The following CNTNAP2 variants were observed in gnomAD, a reference collection of about 807,000 sequenced individuals.
CNTNAP2 encodes contactin-associated protein-like 2.
A neutral mutation model predicts 155.2 loss-of-function variants in CNTNAP2; 98 were observed. The ratio of observed to expected loss-of-function variants is 0.63; its 90% CI spans 0.54 to 0.75. The LOEUF (loss-of-function observed/expected upper bound fraction) is 0.75. Ranked by LOEUF, CNTNAP2 falls within the 30% of genes least tolerant of loss-of-function variation. CNTNAP2 has a pLI of 0.00. For missense variants in CNTNAP2, 1,727 were observed against 1,688.1 expected (o/e 1.02, Z -0.40); for synonymous variants, 651 against 631.2 (o/e 1.03, Z -0.47).
intron 3 of CNTNAP2, among the ~76,000 whole-genome samples, chr7:146,983,672 G>A (rs148350650): frequency 5.3e-4 from 81 of 152,222 alleles, no homozygotes; most frequent in African/African-American, 1.9e-3. Context: ...TCCATTTGGC[G>A]AGTTGAAAAA....
intron 15 of CNTNAP2, among the ~76,000 whole-genome samples, chr7:148,057,533 T>C (rs1803044518): frequency 6.6e-6 from 1 of 152,142 alleles, no homozygotes; most frequent in African/African-American, 2.4e-5. Flanking sequence ...GAGTGTGAGG[T>C]GATCTTCAAG....
In CNTNAP2 at chr7:146,550,415, T is replaced by TGTTTG. The variant is rs1554447439; in HGVS notation, c.98-223856_98-223855insGTTTG. Among the ~76,000 whole-genome samples the TGTTTG allele has an allele frequency of 2.6e-3, 297 of 115,816 alleles. 5 individuals are homozygous for TGTTTG. Among genetic ancestry groups the TGTTTG allele is most frequent in the Middle Eastern group, 4.6e-3 (1 of 218 alleles). The allele number at this position is 115,816 out of a possible 152,430, so 76.0% of individuals were successfully genotyped here. Reference sequence around the variant, plus strand: ...TCCATTAATCTGTTTTTTTTTTTTTTTTTTTTTTTTTTTTATAAAGTACCC... The same window carrying TGTTTG: ...TCCATTAATCTGTTTTTTTTTTTTTTGTTTGTTTTTTTTTTTTTTATAAAGTACCC... On this transcript the variant is annotated intron_variant, in intron 1 of 23. Coordinates refer to ENST00000361727, the MANE Select transcript of CNTNAP2 (RefSeq NM_014141.6).
chr7:147,485,185 A>G (rs1184728425), intron 10 of CNTNAP2, among the ~76,000 whole-genome samples: 1 of 152,200 alleles, frequency 6.6e-6, no homozygotes, highest in African/African-American at 2.4e-5. Context: ...TTTCCTGCCT[A>G]TTAGTTGTCT....
At chr7:147,466,657 C>T (rs1409418920) in intron 10 of CNTNAP2, among the ~76,000 whole-genome samples, 1 of 152,204 alleles carries the variant, frequency 6.6e-6, no homozygotes, top group Non-Finnish European at 1.5e-5. Flanking sequence ...TGGCTCATTC[C>T]TGTAATCCCA....
At chr7:146,512,466 A>T (rs1043049463) in intron 1 of CNTNAP2, among the ~76,000 whole-genome samples, 1 of 148,124 alleles carries the variant, frequency 6.8e-6, no homozygotes. Context: ...GCTGTATCCC[A>T]TAGGTTTTGG....
intron 6 of CNTNAP2, among the ~76,000 whole-genome samples, chr7:147,124,622 A>T (rs34662581): frequency 0.095 from 14,478 of 152,218 alleles, 736 homozygotes; most frequent in Middle Eastern, 0.12. Flanking sequence ...AAGTGTAGAG[A>T]TAAATTCTGA....
At chr7:146,488,743 C>T (rs1460442977) in intron 1 of CNTNAP2, among the ~76,000 whole-genome samples, 3 of 152,130 alleles carry the variant, frequency 2.0e-5, no homozygotes, top group African/African-American at 7.2e-5. Flanking sequence ...ATCTTCCCAC[C>T]TCACCTGCCC....
chr7:146,456,942 T>A (rs118030958), intron 1 of CNTNAP2, among the ~76,000 whole-genome samples: 1 of 152,290 alleles, frequency 6.6e-6, no homozygotes, highest in African/African-American at 2.4e-5. Context: ...AAAGTATAAA[T>A]GACAACTTTC....
intron 14 of CNTNAP2, among the ~76,000 whole-genome samples, chr7:147,927,927 T>A (rs1290963443): frequency 6.6e-6 from 1 of 152,212 alleles, no homozygotes; most frequent in East Asian, 1.9e-4. Flanking sequence ...ATGGTTTGGC[T>A]GTGTCCCCAC....
chr7:146,499,028 T>C (rs73464747), intron 1 of CNTNAP2, among the ~76,000 whole-genome samples: 3 of 152,314 alleles, frequency 2.0e-5, no homozygotes, highest in African/African-American at 7.2e-5. Context: ...GCCTTCCATA[T>C]AATTTCCTGT....
At chr7:147,454,366 A>G (rs1227842156) in intron 10 of CNTNAP2, among the ~76,000 whole-genome samples, 1 of 152,112 alleles carries the variant, frequency 6.6e-6, no homozygotes, top group East Asian at 1.9e-4. Context: ...TGTTTTATAA[A>G]TTGTCATTAT....
intron 13 of CNTNAP2, among the ~76,000 whole-genome samples, chr7:147,650,996 C>A (rs1031075074): frequency 6.6e-6 from 1 of 151,932 alleles, no homozygotes; most frequent in South Asian, 2.1e-4. Flanking sequence ...TTCTGCCTCC[C>A]CTGTTTGAAG....
chr7:148,051,877 C>T (rs1802895022), intron 15 of CNTNAP2, among the ~76,000 whole-genome samples: 1 of 152,138 alleles, frequency 6.6e-6, no homozygotes, highest in Non-Finnish European at 1.5e-5. Context: ...CAGTGGCTCA[C>T]GCCTGTAATC....
chr7:147,442,646 C>T (rs946539094), intron 10 of CNTNAP2, among the ~76,000 whole-genome samples: 4 of 152,138 alleles, frequency 2.6e-5, no homozygotes, highest in Non-Finnish European at 4.4e-5. Flanking sequence ...GTGAATCTCA[C>T]CCAAGGCCCT....
Position 147,588,047 on chromosome 7 carries a change from C to A in CNTNAP2, c.1897+25790C>A, listed in dbSNP as rs1269239766. Among the ~76,000 whole-genome samples, 31 of 151,908 alleles carry A rather than the reference C, an allele frequency of 2.0e-4. 1 individual carries two copies. Among genetic ancestry groups the A allele is most frequent in the Admixed American group, 2.0e-3 (31 of 15,220 alleles). ...AAGCTCCCATCCAATCATAAATGTT[C>A]CATAATACTAATGTAGAAAAAGCAG... On this transcript the variant is annotated intron_variant, in intron 12 of 23. Transcript: ENST00000361727.
chr7:147,077,604 G>T (rs1180540913), intron 4 of CNTNAP2, among the ~76,000 whole-genome samples: 6 of 152,086 alleles, frequency 3.9e-5, no homozygotes, highest in Non-Finnish European at 5.9e-5. Context: ...ATGTATGCAG[G>T]TTCATTTTGG....
intron 11 of CNTNAP2, among the ~76,000 whole-genome samples, chr7:147,515,425 C>T (rs851837): frequency 0.67 from 99,752 of 149,808 alleles, 33,660 homozygotes; most frequent in South Asian, 0.77. Flanking sequence ...TGGGTTCAAG[C>T]GATCCTCCTG....
intron 9 of CNTNAP2, among the ~76,000 whole-genome samples, chr7:147,383,490 C>T (rs937042720): frequency 3.3e-5 from 5 of 152,034 alleles, no homozygotes; most frequent in African/African-American, 4.8e-5. Context: ...CTGCAATAAA[C>T]GTACATGTGC....
intron 1 of CNTNAP2, among the ~76,000 whole-genome samples, chr7:146,258,289 T>A (rs1235848729): frequency 6.6e-6 from 1 of 152,204 alleles, no homozygotes; most frequent in Non-Finnish European, 1.5e-5. Flanking sequence ...CAAAAATTAA[T>A]TCCTTAATAA....
Sources: gnomAD v4.1 joint callset for allele counts (sites outside exome capture counted in the v4.1 genomes callset) on GRCh38, gnomAD v4.1.1 for gene constraint, MANE v1.5 for transcripts, NCBI Gene and HGNC (gene_info 2026-07-23, HGNC 2026-07-21) for gene names.